The following RSRC1 variants were observed in gnomAD, a reference collection of about 807,000 sequenced individuals.
RSRC1 encodes arginine and serine rich coiled-coil 1, also known as serine/Arginine-related protein 53.
RSRC1 carries 39 observed loss-of-function variants against 49.1 expected under a neutral mutation model. The ratio of observed to expected loss-of-function variants is 0.79; its 90% confidence interval spans 0.61 to 1.04. RSRC1 has a LOEUF of 1.04. Among genes scored for constraint, RSRC1 ranks in the 50% least tolerant of loss-of-function variants. The pLI, the probability that RSRC1 is intolerant of heterozygous loss-of-function variation, is 0.00. For synonymous variants in RSRC1, 143 were observed against 130.8 expected, an observed-to-expected ratio of 1.09 and a Z score of -0.63; for missense variants, 388 against 402.4, an observed-to-expected ratio of 0.96 and a Z score of 0.31.
At chr3:158,464,293 T>G (rs1737768367) in intron 7 of RSRC1, among the ~76,000 whole-genome samples, 1 of 152,164 alleles carries the variant, frequency 6.6e-6, no homozygotes, top group Admixed American at 6.6e-5. Flanking sequence ...GCTAATTATG[T>G]TTTAAATCCA....
chr3:158,324,041 T>A (rs547481460), intron 5 of RSRC1, among the ~76,000 whole-genome samples: 1 of 152,278 alleles, frequency 6.6e-6, no homozygotes, highest in Non-Finnish European at 1.5e-5. Flanking sequence ...TTGGTAAAAA[T>A]TTTCATATAA....
chr3:158,262,839 C>G (rs576725339), intron 4 of RSRC1, among the ~76,000 whole-genome samples: 5 of 151,948 alleles, frequency 3.3e-5, no homozygotes, highest in African/African-American at 1.2e-4. Context: ...ATATCAATTT[C>G]AGATTACTTA....
chr3:158,226,703 T>C (rs2108303653), intron 4 of RSRC1, among the ~76,000 whole-genome samples: 1 of 152,042 alleles, frequency 6.6e-6, no homozygotes, highest in East Asian at 1.9e-4. Context: ...AGGCTTATTT[T>C]CCTCTACAAG....
At chr3:158,357,191 A>T (rs897059816) in intron 6 of RSRC1, among the ~76,000 whole-genome samples, 1 of 152,076 alleles carries the variant, frequency 6.6e-6, no homozygotes, top group African/African-American at 2.4e-5. Context: ...CCTCTTATAC[A>T]TTGTGTTAGT....
At chr3:158,509,575 G>C (rs1740043466) in intron 7 of RSRC1, among the ~76,000 whole-genome samples, 1 of 152,084 alleles carries the variant, frequency 6.6e-6, no homozygotes, top group Non-Finnish European at 1.5e-5. Context: ...CTTGAGCCCA[G>C]AGGTTCAAGG....
At chr3:158,305,085 G>C (rs1727763846) in intron 5 of RSRC1, among the ~76,000 whole-genome samples, 1 of 152,032 alleles carries the variant, frequency 6.6e-6, no homozygotes, top group East Asian at 1.9e-4. Context: ...ATTGAAAATT[G>C]CTTCTGTAAT....
At chr3:158,446,396 A>G (rs1369145266) in intron 6 of RSRC1, among the ~76,000 whole-genome samples, 1 of 151,608 alleles carries the variant, frequency 6.6e-6, no homozygotes, top group Non-Finnish European at 1.5e-5. Flanking sequence ...ATATATTTTT[A>G]TTGCCTATAA....
At chr3:158,169,256 AC>A (rs1340530551) in intron 3 of RSRC1, among the ~76,000 whole-genome samples, 4 of 152,140 alleles carry the variant, frequency 2.6e-5, no homozygotes, top group African/African-American at 9.7e-5. Context: ...GATTATGCTA[AC>A]CCTTCCGTTT....
chr3:158,201,851 A>G (rs1255610303), intron 3 of RSRC1, among the ~76,000 whole-genome samples: 1 of 152,158 alleles, frequency 6.6e-6, no homozygotes, highest in African/African-American at 2.4e-5. Context: ...TAAGAATAGA[A>G]CACATTTTTT....
intron 6 of RSRC1, among the ~76,000 whole-genome samples, chr3:158,367,406 G>A (rs953316972): frequency 6.6e-6 from 1 of 152,092 alleles, no homozygotes; most frequent in African/African-American, 2.4e-5. Flanking sequence ...TGTGGTTTTT[G>A]TCGCTGGTTC....
intron 6 of RSRC1, among the ~76,000 whole-genome samples, chr3:158,414,877 C>G (rs975173820): frequency 2.0e-5 from 3 of 151,920 alleles, no homozygotes; most frequent in African/African-American, 4.8e-5. Context: ...TGATTGTGTT[C>G]ACAAAAAAAG....
intron 6 of RSRC1, among the ~76,000 whole-genome samples, chr3:158,413,490 G>C (rs182479954): frequency 5.3e-5 from 8 of 152,168 alleles, no homozygotes; most frequent in Admixed American, 4.6e-4. Flanking sequence ...TTGACAAATG[G>C]GATCTAATTA....
chr3:158,445,515 T>C (rs6786770), intron 6 of RSRC1, among the ~76,000 whole-genome samples: 14,488 of 151,504 alleles, frequency 0.096, 2,356 homozygotes, highest in African/African-American at 0.34. Context: ...GGGGTGGGGG[T>C]AGCGGGGAGG....
intron 7 of RSRC1, among the ~76,000 whole-genome samples, chr3:158,524,818 G>T (rs957083588): frequency 6.6e-6 from 1 of 151,902 alleles, no homozygotes; most frequent in Middle Eastern, 3.2e-3. Context: ...CAACAAATGC[G>T]ACTGAAAAAA....
chr3:158,542,925 G>A (rs1713119756), intron 8 of RSRC1, among the ~76,000 whole-genome samples: 1 of 152,020 alleles, frequency 6.6e-6, no homozygotes, highest in African/African-American at 2.4e-5. Context: ...TTGTAAGCTT[G>A]TTTTGATTAA....
intron 6 of RSRC1, among the ~76,000 whole-genome samples, chr3:158,433,111 A>C (rs568876080): frequency 6.6e-6 from 1 of 152,092 alleles, no homozygotes; most frequent in African/African-American, 2.4e-5. Context: ...CAGTGTTAAA[A>C]TTGATGAGCC....
intron 7 of RSRC1, among the ~76,000 whole-genome samples, chr3:158,508,883 C>T (rs1261223234): frequency 6.6e-6 from 1 of 152,148 alleles, no homozygotes; most frequent in Non-Finnish European, 1.5e-5. Context: ...TGACCTTGAA[C>T]CCCTGGGCTC....
At chr3:158,242,726 T>TC (rs952878019) in intron 4 of RSRC1, among the ~76,000 whole-genome samples, 27 of 151,410 alleles carry the variant, frequency 1.8e-4, no homozygotes, top group African/African-American at 5.8e-4. Flanking sequence ...TGTTTTTTTT[T>TC]CCCCCCTTTT....
At chr3:158,438,453 A>G (rs1736172971) in intron 6 of RSRC1, among the ~76,000 whole-genome samples, 1 of 152,194 alleles carries the variant, frequency 6.6e-6, no homozygotes, top group Non-Finnish European at 1.5e-5. Context: ...ACAGCGTGAT[A>G]CTGGTACCAA....
Sources: allele counts gnomAD v4.1 joint callset (sites outside exome capture counted in the v4.1 genomes callset), GRCh38; gene constraint gnomAD v4.1.1; transcripts MANE v1.5; gene names NCBI Gene and HGNC (gene_info 2026-07-23, HGNC 2026-07-21).